Variants in CD53 observed in about 807,000 individuals in gnomAD.
CD53 encodes CD53 molecule.
In CD53, 20 loss-of-function variants were observed where a neutral mutation model predicts 27.3. The observed-to-expected ratio is 0.73, with a 90% CI of 0.52 to 1.07. The LOEUF is 1.07. Ranked by LOEUF, CD53 falls within the 50% of genes least tolerant of loss-of-function variation. CD53 has a pLI of 0.00. For synonymous variants in CD53, 106 were observed against 105.3 expected, an observed-to-expected ratio of 1.01 and a Z score of -0.04; for missense variants, 216 against 264.0, an observed-to-expected ratio of 0.82 and a Z score of 1.26.
chr1:110,887,940 G>A (rs1250008275), intron 1 of CD53, among the ~76,000 whole-genome samples: 1 of 152,188 alleles, frequency 6.6e-6, no homozygotes, highest in Non-Finnish European at 1.5e-5. Context: ...ATCTCGAAAT[G>A]GGGTGATTAT....
In CD53 at chr1:110,892,434, G is replaced by A. The variant is rs745562046; in HGVS notation, c.153G>A (p.Thr51=). 20 of 1,613,736 alleles carry A rather than the reference G, an allele frequency of 1.2e-5. No homozygotes were observed. The highest frequency in any genetic ancestry group is 6.7e-5 in the Admixed American group (4 of 59,988). The part of the protein sequence containing the change: ...GVLFHNLPSL[T]LGNVFVIVGS... ...TCTTCCATAACCTCCCCTCCCTCAC[G>A]CTGGGCAATGTGTTTGTCATCGTGG... The change falls in exon 3 of 8, where the codon ACG becomes ACA. Residue 51 remains threonine, a synonymous_variant. Transcript: ENST00000271324.
chr1:110,886,230 C>A (rs1174005704), intron 1 of CD53, among the ~76,000 whole-genome samples: 3 of 152,084 alleles, frequency 2.0e-5, no homozygotes, highest in South Asian at 2.1e-4. Context: ...CTTATCCTTA[C>A]AATTGTTCCT....
At chr1:110,885,572 G>A (rs1656550056) in intron 1 of CD53, among the ~76,000 whole-genome samples, 1 of 148,856 alleles carries the variant, frequency 6.7e-6, no homozygotes, top group Non-Finnish European at 1.5e-5. Flanking sequence ...AACAAAAAAA[G>A]AGATTTAAGA....
At position 110,898,627 on chromosome 1, in the gene CD53, T is replaced by A. The variant is rs146342790; in HGVS notation, c.589-497T>A. 4.8e-3 allele frequency among the ~76,000 whole-genome samples: 737 copies of A among 152,148 alleles called. 27 individuals carry two copies. Among genetic ancestry groups the A allele is most frequent in the Admixed American group, 0.046 (708 of 15,280 alleles). On this transcript the variant is annotated intron_variant, in intron 7 of 7. Transcript: ENST00000271324. ...TTTCTGTGCTTAGTTTGACAAGTGA[T>A]GGGTGAATTGAGGGTAGTTTTTTGT... is the stretch of plus-strand genomic sequence containing the variant.
intron 5 of CD53, among the ~76,000 whole-genome samples, chr1:110,895,442 C>T (rs1340285870): frequency 2.6e-5 from 4 of 152,200 alleles, no homozygotes; most frequent in African/African-American, 9.7e-5. Flanking sequence ...AGCCCACCAA[C>T]ATCCCATTCC....
chr1:110,893,704 G>A (rs1173619647), intron 3 of CD53, among the ~76,000 whole-genome samples: 3 of 152,226 alleles, frequency 2.0e-5, no homozygotes, highest in Non-Finnish European at 4.4e-5. Context: ...CAGACTAATG[G>A]CAAAGGATGG....
chr1:110,890,183 C>G (rs1441596095), intron 1 of CD53, among the ~76,000 whole-genome samples: 1 of 152,134 alleles, frequency 6.6e-6, no homozygotes, highest in Non-Finnish European at 1.5e-5. Context: ...GGAAAAAAAT[C>G]ACTGCCCCAA....
intron 1 of CD53, among the ~76,000 whole-genome samples, chr1:110,875,260 A>G (rs1253535247): frequency 2.0e-5 from 3 of 152,178 alleles, no homozygotes; most frequent in Non-Finnish European, 1.5e-5. Context: ...ACAGAGCCAC[A>G]TGAAGTGGAA....
intron 1 of CD53, among the ~76,000 whole-genome samples, chr1:110,876,355 A>G (rs1656130430): frequency 6.6e-6 from 1 of 152,208 alleles, no homozygotes; most frequent in Non-Finnish European, 1.5e-5. Context: ...TGTATTCTTC[A>G]TTTACATAAA....
At chr1:110,875,249 T>A (rs149678984) in intron 1 of CD53, among the ~76,000 whole-genome samples, 3,597 of 152,266 alleles carry the variant, frequency 0.024, 66 homozygotes, top group South Asian at 0.062. Flanking sequence ...ACACCATGTT[T>A]ACAGAGCCAC....
intron 3 of CD53, among the ~76,000 whole-genome samples, chr1:110,894,055 C>G (rs1407211503): frequency 6.6e-6 from 1 of 152,168 alleles, no homozygotes; most frequent in African/African-American, 2.4e-5. Flanking sequence ...ACTTATTCAA[C>G]AGGTGGTGGT....
chr1:110,883,949 A>G (rs1038302083), intron 1 of CD53, among the ~76,000 whole-genome samples: 1 of 151,944 alleles, frequency 6.6e-6, no homozygotes, highest in African/African-American at 2.4e-5. Flanking sequence ...AAGTTTATCA[A>G]TTTTATCAGT....
In CD53 at chr1:110,891,437, A is replaced by G. The variant is rs764357365; in HGVS notation, c.29A>G (p.Lys10Arg). MGMSSLKLL[K>R]YVLFFFNLLF... Reference sequence around the variant, plus strand: ...GGCATGAGTAGCTTGAAACTGCTGAAGTATGTCCTGTTTTTCTTCAACTTG... The same window carrying G: ...GGCATGAGTAGCTTGAAACTGCTGAGGTATGTCCTGTTTTTCTTCAACTTG... Residue 10 changes from lysine (K) to arginine (R), a missense_variant, in exon 2 of 8, where the codon AAG becomes AGG. Physicochemically the swap from Lys to Arg is conservative, Grantham distance 26. Transcript: ENST00000271324. 2 of 1,613,916 alleles carry G rather than the reference A, an allele frequency of 1.2e-6. No individual in the cohort carries two copies. Among genetic ancestry groups the G allele is most frequent in the Non-Finnish European group, 1.7e-6 (2 of 1,179,826 alleles).
chr1:110,894,810 T>C, intron 4 of CD53, 150 bp from the exon 5 acceptor site: 1 of 647,848 alleles, frequency 1.5e-6, no homozygotes, highest in Non-Finnish European at 2.8e-6. Flanking sequence ...TGTATGCCCA[T>C]AGATAAACAC....
chr1:110,895,757 A>G (rs904811677), intron 5 of CD53, among the ~76,000 whole-genome samples: 8 of 152,314 alleles, frequency 5.3e-5, no homozygotes, highest in Admixed American at 1.3e-4. Flanking sequence ...TTAGAAATAT[A>G]CAAAAGAGAA....
At chr1:110,891,717 TTAC>T (rs1656862704) in intron 2 of CD53, among the ~76,000 whole-genome samples, 1 of 152,192 alleles carries the variant, frequency 6.6e-6, no homozygotes, top group African/African-American at 2.4e-5. Flanking sequence ...GGGCTTTAGT[TTAC>T]TACTACTCGT....
intron 1 of CD53, among the ~76,000 whole-genome samples, chr1:110,886,871 T>TATATATATATATATA (rs1243346959): frequency 2.6e-5 from 2 of 76,050 alleles, no homozygotes; most frequent in African/African-American, 7.1e-5. Context: ...ATATATATAT[T>TATATATATATATATA]TTTTTTTTCT....
At chr1:110,898,493 C>G (rs1424535865) in intron 7 of CD53, among the ~76,000 whole-genome samples, 1 of 151,888 alleles carries the variant, frequency 6.6e-6, no homozygotes, top group Non-Finnish European at 1.5e-5. Flanking sequence ...CCACTGTGAT[C>G]CCTCCTCAGC....
At position 110,894,447 on chromosome 1, in the gene CD53, G is replaced by T. The variant is rs1437912957; in HGVS notation, c.327+46G>T. 4 of 1,415,150 alleles carry T rather than the reference G, an allele frequency of 2.8e-6. No individual in the cohort carries two copies. In the African/African-American group the frequency reaches 4.2e-5, roughly 15 times the overall value. The allele number at this position is 1,415,150 out of a possible 1,614,324, so 87.7% of individuals were successfully genotyped here. On this transcript the variant is annotated intron_variant, in intron 4 of 7. Coordinates refer to ENST00000271324, the MANE Select transcript of CD53 (RefSeq NM_000560.4). ...CTTATTGTCTTAATACTGAAAGTGGGGAGTATGCAGTGGAGAAGTTGGTAC... is the reference window on the plus strand; with the variant it reads ...CTTATTGTCTTAATACTGAAAGTGGTGAGTATGCAGTGGAGAAGTTGGTAC...
Sources: allele counts gnomAD v4.1 joint callset (sites outside exome capture counted in the v4.1 genomes callset), GRCh38; gene constraint gnomAD v4.1.1; transcripts MANE v1.5; gene names NCBI Gene and HGNC (gene_info 2026-07-23, HGNC 2026-07-21).